The following DCAF4 variants were observed in gnomAD, a reference collection of about 807,000 sequenced individuals.
DCAF4 encodes DDB1- and CUL4-associated factor 4.
In DCAF4, 37 loss-of-function variants were observed where a neutral mutation model predicts 60.9. That is an observed-to-expected ratio of 0.61 (90% CI 0.47 to 0.80). The LOEUF (loss-of-function observed/expected upper bound fraction) is 0.80. Among genes scored for constraint, DCAF4 ranks in the 30% least tolerant of loss-of-function variants. DCAF4 has a pLI of 0.00. For synonymous variants in DCAF4, 243 were observed against 254.8 expected, an observed-to-expected ratio of 0.95 and a Z score of 0.44; for missense variants, 577 against 650.0, an observed-to-expected ratio of 0.89 and a Z score of 1.22.
At chr14:72,929,528 C>T (rs1471889406) in intron 1 of DCAF4, 8 of 759,364 alleles carry the variant, frequency 1.1e-5, no homozygotes, top group Admixed American at 2.1e-5. Flanking sequence ...AGCGAGACCC[C>T]GTCTCTACAA....
intron 7 of DCAF4, 31 bp from the exon 8 acceptor site, chr14:72,947,111 C>T: frequency 6.2e-7 from 1 of 1,614,114 alleles, no homozygotes; most frequent in Non-Finnish European, 8.5e-7. Context: ...TGTAGAATAA[C>T]TTTCCATCTC....
intron 4 of DCAF4, chr14:72,940,588 GTTGTTTTTT>G (rs996726029): frequency 2.2e-5 from 6 of 276,564 alleles, no homozygotes; most frequent in African/African-American, 1.5e-4. Flanking sequence ...TGTTCGATAA[GTTGTTTTTT>G]TTTTTTTTTT....
chr14:72,938,890 G>A (rs994473461), intron 2 of DCAF4, among the ~76,000 whole-genome samples: 18 of 151,938 alleles, frequency 1.2e-4, no homozygotes, highest in African/African-American at 4.1e-4. Context: ...TGTACACCAG[G>A]CTACATTACA....
At chr14:72,939,384 A>C (rs1212999660) in intron 2 of DCAF4, among the ~76,000 whole-genome samples, 1 of 152,198 alleles carries the variant, frequency 6.6e-6, no homozygotes, top group Admixed American at 6.5e-5. Flanking sequence ...GTAGTCAAGT[A>C]AAATTTAAAC....
At position 72,926,475 on chromosome 14, in the gene DCAF4, C is replaced by T. The variant is rs1485912814; in HGVS notation, c.-77C>T. On this transcript the variant is annotated 5_prime_UTR_variant, in exon 1 of 14. Transcript: ENST00000358377. ...CGCTACACCTTGGTCTTTCCGGGTC[C>T]TTGCACGCTTCGCTCCAACTCCTGC... 6.6e-6 allele frequency: 1 copy of T among 152,572 alleles called. No homozygotes were observed. The highest frequency in any genetic ancestry group is 1.9e-4 in the East Asian group (1 of 5,198). The allele number at this position is 152,572 out of a possible 1,614,324, so 9.5% of individuals were successfully genotyped here. A position where few individuals can be genotyped will look rare whatever the true frequency, so the allele number is the denominator to read the frequency against.
chr14:72,961,852 G>A, downstream of DCAF4: 1 of 1,080,458 alleles, frequency 9.3e-7, no homozygotes, highest in Admixed American at 4.3e-5. Flanking sequence ...GCCCCCAAGG[G>A]CATCCTCTCC....
chr14:72,951,910 CCT>C (rs1377293342), intron 9 of DCAF4, 33 bp downstream of exon 9: 1 of 1,609,464 alleles, frequency 6.2e-7, no homozygotes, highest in South Asian at 1.1e-5. Flanking sequence ...AGAAATCTGT[CCT>C]CTGTCTCCCG....
chr14:72,940,588 GTTGTTTT>G (rs1889903127), intron 4 of DCAF4: 1 of 275,946 alleles, frequency 3.6e-6, no homozygotes, highest in Non-Finnish European at 6.4e-6. Context: ...TGTTCGATAA[GTTGTTTT>G]TTTTTTTTTT....
At position 72,929,761 on chromosome 14, in the gene DCAF4, C is replaced by A. The variant is rs1184722156; in HGVS notation, c.-9+3218C>A. 101 of 1,033,766 alleles carry A rather than the reference C, an allele frequency of 9.8e-5. No homozygotes were observed. In the East Asian group the frequency reaches 2.3e-3, roughly 24 times the overall value. 64.0% of individuals were successfully genotyped at this position (1,033,766 alleles called of 1,614,324 possible). On this transcript the variant is annotated intron_variant, in intron 1 of 13. Coordinates refer to ENST00000358377, the MANE Select transcript of DCAF4 (RefSeq NM_015604.4). The stretch of plus-strand genomic sequence containing the variant: ...TTGAAGACCTTCAGTGACTCCATGG[C>A]GCGCAGCTCGTACGAAGCGAAGCCA...
chr14:72,935,163 A>G (rs1889089520), intron 1 of DCAF4: 2 of 152,248 alleles, frequency 1.3e-5, no homozygotes, highest in Non-Finnish European at 2.9e-5. Context: ...ACCCCTGAAC[A>G]GGCTTCTTAA....
chr14:72,929,838 C>T, intron 1 of DCAF4: 1 of 1,402,892 alleles, frequency 7.1e-7, no homozygotes, highest in Admixed American at 1.8e-5. Context: ...TGCTCAGACG[C>T]CCGCGGCGGC....
At chr14:72,946,359 C>T (rs536628517) in intron 7 of DCAF4, among the ~76,000 whole-genome samples, 7 of 151,994 alleles carry the variant, frequency 4.6e-5, no homozygotes, top group African/African-American at 1.7e-4. Flanking sequence ...GAGCCATGAT[C>T]GTGCCACTGC....
At chr14:72,960,617 G>A (rs1270239023), downstream of DCAF4, 18 of 1,059,162 alleles carry the variant, frequency 1.7e-5, no homozygotes, top group Non-Finnish European at 2.0e-5. Context: ...GGCACAGGAA[G>A]GGATGGCTGG....
intron 11 of DCAF4, among the ~76,000 whole-genome samples, chr14:72,954,817 T>C (rs1359943994): frequency 6.6e-6 from 1 of 152,136 alleles, no homozygotes; most frequent in Non-Finnish European, 1.5e-5. Flanking sequence ...ATATTTTATA[T>C]GTTTAAAAAA....
At chr14:72,953,732 AATATATATATATAT>A (rs71109769) in intron 9 of DCAF4, among the ~76,000 whole-genome samples, 9 of 21,778 alleles carry the variant, frequency 4.1e-4, no homozygotes, top group African/African-American at 2.1e-3. Flanking sequence ...AAAAAAAAAA[AATATATATATATAT>A]ATATATATAT....
At chr14:72,937,806 G>A in intron 1 of DCAF4, 165 bp from the exon 2 acceptor site, 1 of 655,316 alleles carries the variant, frequency 1.5e-6, no homozygotes, top group Non-Finnish European at 1.9e-6. Flanking sequence ...GGGGAGTGCT[G>A]GAGGCAGCCC....
chr14:72,928,562 C>T (rs11158993), intron 1 of DCAF4, among the ~76,000 whole-genome samples: 14,820 of 149,562 alleles, frequency 0.099, 834 homozygotes, highest in South Asian at 0.2. Flanking sequence ...TTAACTATTA[C>T]AGCATGGTGT....
rs1037908124 is a variant in DCAF4 at position 72,929,745 on chromosome 14, T to C, written c.-9+3202T>C. Reference sequence around the variant, plus strand: ...GAGGGCCCATTTCTCCTTGAAGACCTTCAGTGACTCCATGGCGCGCAGCTC... The same window carrying C: ...GAGGGCCCATTTCTCCTTGAAGACCCTCAGTGACTCCATGGCGCGCAGCTC... On this transcript the variant is annotated intron_variant, in intron 1 of 13. Transcript: ENST00000358377. The C allele has an allele frequency of 2.9e-6, 3 of 1,035,612 alleles. No homozygotes were observed. The African/African-American group carries it at 4.7e-5, about 16-fold the overall frequency. The allele number at this position is 1,035,612 out of a possible 1,614,324, so 64.2% of individuals were successfully genotyped here.
chr14:72,960,593 T>C (rs1186932511), downstream of DCAF4: 1 of 1,054,954 alleles, frequency 9.5e-7, no homozygotes, highest in Non-Finnish European at 1.2e-6. Flanking sequence ...CTTTCCCACA[T>C]TCAGGATCAT....
Sources: allele counts gnomAD v4.1 joint callset (sites outside exome capture counted in the v4.1 genomes callset), GRCh38; gene constraint gnomAD v4.1.1; transcripts MANE v1.5; gene names NCBI Gene and HGNC (gene_info 2026-07-23, HGNC 2026-07-21).